Variants in CNTN1 observed in about 807,000 individuals in gnomAD.
The protein encoded by CNTN1 is contactin 1.
In CNTN1, 38 loss-of-function variants were observed where a neutral mutation model predicts 126.4. The observed-to-expected ratio is 0.30, with a 90% CI of 0.23 to 0.39. The LOEUF (loss-of-function observed/expected upper bound fraction) is 0.39. Ranked by LOEUF, CNTN1 falls within the 10% of genes least tolerant of loss-of-function variation. The probability of loss-of-function intolerance (pLI) is 1.00; values close to 1 mark genes in which losing one functional copy is unlikely to be tolerated. For synonymous variants in CNTN1, 413 were observed against 422.6 expected (o/e 0.98, Z 0.28); for missense variants, 1,009 against 1,248.4 (o/e 0.81, Z 2.89).
At chr12:40,896,161 A>G (rs1356693412) in intron 1 of CNTN1, 1 of 152,056 alleles carries the variant, frequency 6.6e-6, no homozygotes, top group Non-Finnish European at 1.5e-5. Flanking sequence ...AATCTTCTGA[A>G]CACACACACA....
intron 1 of CNTN1, among the ~76,000 whole-genome samples, chr12:40,856,881 A>G (rs1472455592): frequency 6.6e-6 from 1 of 152,118 alleles, no homozygotes; most frequent in Non-Finnish European, 1.5e-5. Context: ...GAAAGCTGCC[A>G]TAAAAATAAT....
intron 1 of CNTN1, among the ~76,000 whole-genome samples, chr12:40,869,127 C>T (rs1013215469): frequency 2.0e-5 from 3 of 150,934 alleles, no homozygotes; most frequent in Non-Finnish European, 2.9e-5. Context: ...GTTTATAAAA[C>T]ACAAAATAAT....
intron 23 of CNTN1, 124 bp downstream of exon 23, chr12:41,029,343 T>C (rs1012616331): frequency 2.8e-6 from 3 of 1,079,668 alleles, no homozygotes; most frequent in South Asian, 1.3e-5. Context: ...AGATTGGACA[T>C]ATCAAGGATT....
intron 21 of CNTN1, 21 bp from the exon 22 acceptor site, chr12:41,027,836 G>A (rs772547262): frequency 4.9e-6 from 7 of 1,429,722 alleles, no homozygotes; most frequent in African/African-American, 4.2e-5. Flanking sequence ...ACCACTGATT[G>A]CATATTACTA....
chr12:40,831,962 A>G (rs1941856513), intron 1 of CNTN1, among the ~76,000 whole-genome samples: 1 of 152,172 alleles, frequency 6.6e-6, no homozygotes, highest in Non-Finnish European at 1.5e-5. Flanking sequence ...TGGCACCTGG[A>G]GGAAGAATAT....
rs1939235478 is a variant in CNTN1 at position 40,769,112 on chromosome 12, G to C, written c.-77+76520G>C. On this transcript the variant is annotated intron_variant, in intron 1 of 23. Coordinates refer to ENST00000551295, the MANE Select transcript of CNTN1 (RefSeq NM_001843.4). ...GCAATTCATTATTGCAAATTACAAA[G>C]TCAGATATACCATAGTGCATCTGTG... Among the ~76,000 whole-genome samples, 3 of 151,948 alleles carry C rather than the reference G, an allele frequency of 2.0e-5. 1 individual carries two copies. Among genetic ancestry groups the C allele is most frequent in the Admixed American group, 2.0e-4 (3 of 15,266 alleles).
chr12:41,018,114 A>T (rs947740038), intron 19 of CNTN1, among the ~76,000 whole-genome samples: 1 of 151,998 alleles, frequency 6.6e-6, no homozygotes, highest in African/African-American at 2.4e-5. Context: ...AATAATAATA[A>T]TAATAGCTTT....
intron 1 of CNTN1, among the ~76,000 whole-genome samples, chr12:40,727,398 T>C (rs922319856): frequency 6.6e-6 from 1 of 151,532 alleles, no homozygotes. Context: ...ACATGGAATG[T>C]AGAGGATTCG....
intron 23 of CNTN1, among the ~76,000 whole-genome samples, chr12:41,046,596 G>A (rs973074321): frequency 6.6e-6 from 1 of 151,970 alleles, no homozygotes; most frequent in Non-Finnish European, 1.5e-5. Flanking sequence ...TGTAATAAGA[G>A]CATTATTCTC....
intron 14 of CNTN1, among the ~76,000 whole-genome samples, chr12:40,945,572 T>C (rs759783353): frequency 2.6e-5 from 4 of 151,958 alleles, no homozygotes; most frequent in Non-Finnish European, 5.9e-5. Flanking sequence ...AGACAAAAAT[T>C]GCCCTAAACT....
chr12:40,848,544 TC>T lies in CNTN1; in HGVS notation c.-76-59812del, dbSNP rs1300720357. Among the ~76,000 whole-genome samples the T allele has an allele frequency of 4.6e-5, 7 of 152,320 alleles. No individual in the cohort carries two copies. In the East Asian group the frequency reaches 1.3e-3, roughly 29 times the overall value. ...ACTTGTTTTGAATGAGTCAAGAGAT[TC>T]AGATACTATTTTGAAAGTTATAATA... On this transcript the variant is annotated intron_variant, in intron 1 of 23. Coordinates refer to ENST00000551295, the MANE Select transcript of CNTN1 (RefSeq NM_001843.4).
chr12:40,975,501 C>G (rs1302884269), intron 15 of CNTN1, among the ~76,000 whole-genome samples: 1 of 151,692 alleles, frequency 6.6e-6, no homozygotes, highest in Non-Finnish European at 1.5e-5. Context: ...TTTGAAGAAC[C>G]CCCAAGGTAA....
chr12:41,051,523 G>A (rs1592464668), intron 23 of CNTN1, among the ~76,000 whole-genome samples: 1 of 150,978 alleles, frequency 6.6e-6, no homozygotes, highest in African/African-American at 2.4e-5. Context: ...TTAGACTGAG[G>A]GCAATTAAAA....
chr12:40,971,613 C>A, intron 15 of CNTN1: 1 of 1,511,578 alleles, frequency 6.6e-7, no homozygotes, highest in East Asian at 2.5e-5. Context: ...TTCTCCCCAC[C>A]CCCAACCTAG....
rs1945653172 is a variant in CNTN1 at position 40,925,817 on chromosome 12, T to C, written c.496+1165T>C. 1.9e-5 allele frequency among the ~76,000 whole-genome samples: 2 copies of C among 104,400 alleles called. 1 individual carries two copies. The highest frequency in any genetic ancestry group is 9.4e-5 in the African/African-American group (2 of 21,374). 68.5% of individuals were successfully genotyped at this position (104,400 alleles called of 152,430 possible). A position where few individuals can be genotyped will look rare whatever the true frequency, so the allele number is the denominator to read the frequency against. On this transcript the variant is annotated intron_variant, in intron 6 of 23. Coordinates refer to ENST00000551295, the MANE Select transcript of CNTN1 (RefSeq NM_001843.4). ...TATTGAAATTATATATATATATATA[T>C]ATATATATATATGTATGTGTGTGTG... is the stretch of plus-strand genomic sequence containing the variant.
intron 14 of CNTN1, among the ~76,000 whole-genome samples, chr12:40,958,906 C>T (rs960230963): frequency 6.6e-6 from 1 of 151,962 alleles, no homozygotes; most frequent in Non-Finnish European, 1.5e-5. Flanking sequence ...GATATGAAAG[C>T]TAAAAAATAC....
chr12:40,985,070 T>C (rs1238028480), intron 16 of CNTN1, among the ~76,000 whole-genome samples: 2 of 152,116 alleles, frequency 1.3e-5, no homozygotes, highest in African/African-American at 2.4e-5. Context: ...TTTTGTAAGA[T>C]AAGTCTTTTA....
intron 1 of CNTN1, among the ~76,000 whole-genome samples, chr12:40,788,926 G>A (rs764532709): frequency 9.2e-5 from 14 of 151,918 alleles, no homozygotes; most frequent in African/African-American, 1.9e-4. Context: ...ATTTTCTCTC[G>A]TGTTCGATAT....
chr12:40,985,018 G>C (rs1281866520), intron 16 of CNTN1, among the ~76,000 whole-genome samples: 1 of 152,042 alleles, frequency 6.6e-6, no homozygotes, highest in Admixed American at 6.6e-5. Flanking sequence ...TCAAATTGCT[G>C]TTTGGGATCA....
Sources: gnomAD v4.1 joint callset for allele counts (sites outside exome capture counted in the v4.1 genomes callset) on GRCh38, gnomAD v4.1.1 for gene constraint, MANE v1.5 for transcripts, NCBI Gene and HGNC (gene_info 2026-07-23, HGNC 2026-07-21) for gene names.